Variants in GON4L observed in about 807,000 individuals in gnomAD.
GON4L encodes the protein GON-4-like protein.
GON4L carries 87 observed loss-of-function variants against 211.8 expected under a neutral mutation model. That is an observed-to-expected ratio of 0.41 (90% confidence interval 0.35 to 0.49). The LOEUF is 0.49. Among genes scored for constraint, GON4L ranks in the 20% least tolerant of loss-of-function variants. GON4L has a pLI of 0.15. For missense variants in GON4L, 2,155 were observed against 2,659.5 expected, an observed-to-expected ratio of 0.81 and a Z score of 4.17; for synonymous variants, 875 against 962.6, an observed-to-expected ratio of 0.91 and a Z score of 1.68.
At chr1:155,754,903 C>CTTTT (rs112004109) in intron 27 of GON4L, among the ~76,000 whole-genome samples, 7 of 104,556 alleles carry the variant, frequency 6.7e-5, no homozygotes, top group Non-Finnish European at 1.2e-4. Context: ...TCTCCCCATG[C>CTTTT]TTTTTTTTTT....
intron 2 of GON4L, chr1:155,831,454 A>AAAATAAATAAATAAAT (rs143578512): frequency 7.1e-6 from 1 of 141,032 alleles, no homozygotes; most frequent in African/African-American, 2.6e-5. Context: ...TGTCTCGTTA[A>AAAATAAATAAATAAAT]AAATAAATAA....
intron 21 of GON4L, among the ~76,000 whole-genome samples, 176 bp from the exon 22 acceptor site, chr1:155,763,740 C>T (rs556780953): frequency 1.4e-4 from 22 of 152,278 alleles, no homozygotes; most frequent in Non-Finnish European, 2.5e-4. Flanking sequence ...CAGTGGCTCA[C>T]GCCTGTAATC....
chr1:155,832,226 G>A (rs1669846653), intron 2 of GON4L, among the ~76,000 whole-genome samples: 1 of 21,210 alleles, frequency 4.7e-5, no homozygotes, highest in Non-Finnish European at 1.7e-4. Context: ...AGTGAGCTAA[G>A]ATCACGCCAC....
intron 2 of GON4L, among the ~76,000 whole-genome samples, chr1:155,831,776 A>G (rs557813149): frequency 2.0e-5 from 3 of 152,030 alleles, no homozygotes; most frequent in Admixed American, 2.0e-4. Flanking sequence ...TCCTGCCTAT[A>G]GTGCCAGTTA....
rs145394534 is a variant in GON4L at position 155,825,033 on chromosome 1, G to A, written c.697+1804C>T. Among the ~76,000 whole-genome samples, 19 of 151,820 alleles carry A rather than the reference G, an allele frequency of 1.3e-4. No individual in the cohort carries two copies. The East Asian group carries it at 2.5e-3, about 20-fold the overall frequency. On this transcript the variant is annotated intron_variant, in intron 3 of 31. Coordinates refer to ENST00000368331, the MANE Select transcript of GON4L (RefSeq NM_001282860.2). ...ATGAAAATTAGCCAGGCATTGTGGC[G>A]TGCACCTAGAGTCCGAGTTGCTGGG...
intron 10 of GON4L, among the ~76,000 whole-genome samples, chr1:155,809,968 A>C (rs1156970111): frequency 7.9e-6 from 1 of 126,894 alleles, no homozygotes; most frequent in African/African-American, 3.0e-5. Flanking sequence ...TACATATATA[A>C]TTATAAATTA....
intron 2 of GON4L, 74 bp downstream of exon 2, chr1:155,853,202 G>A: frequency 1.6e-6 from 2 of 1,221,656 alleles, no homozygotes; most frequent in Admixed American, 3.4e-5. Flanking sequence ...ATACTACTCT[G>A]TAAAGGTATC....
chr1:155,824,120 A>G lies in GON4L; in HGVS notation c.698-1644T>C, dbSNP rs1019538824. ...TAGCCCACAACTGAAAAGTATCCAA[A>G]TGCTCATCAAGAATTGAATGGGGCC... On this transcript the variant is annotated intron_variant, in intron 3 of 31. Transcript: ENST00000368331. Among the ~76,000 whole-genome samples, 3 of 152,026 alleles carry G rather than the reference A, an allele frequency of 2.0e-5. No homozygotes were observed. The East Asian group carries it at 5.8e-4, about 29-fold the overall frequency.
At chr1:155,764,874 A>T in intron 21 of GON4L, 126 bp downstream of exon 21, 1 of 1,574,944 alleles carries the variant, frequency 6.3e-7, no homozygotes, top group South Asian at 1.1e-5. Flanking sequence ...CCCATAATGC[A>T]TTCACAAATC....
At chr1:155,799,205 C>G (rs563032353) in intron 11 of GON4L, among the ~76,000 whole-genome samples, 2 of 152,258 alleles carry the variant, frequency 1.3e-5, no homozygotes, top group African/African-American at 4.8e-5. Flanking sequence ...GAGGCCAAGG[C>G]GGGCGGATCA....
At position 155,784,358 on chromosome 1, in the gene GON4L, CTTTTTTTTTTTTTTTTTTTTTT is replaced by C. The variant is rs869034483; in HGVS notation, c.1789-291_1789-270del. 809 of 104,106 alleles carry C rather than the reference CTTTTTTTTTTTTTTTTTTTTTT, an allele frequency of 7.8e-3. 5 individuals carry two copies. Among genetic ancestry groups the C allele is most frequent in the Admixed American group, 0.012 (64 of 5,244 alleles). The allele number at this position is 104,106 out of a possible 1,614,324, so 6.4% of individuals were successfully genotyped here. On this transcript the variant is annotated intron_variant, in intron 13 of 31. Transcript: ENST00000368331. ...ACTCAAAATTATCAATCTCTCTCTCCTTTTTTTTTTTTTTTTTTTTTTTTTTTTTTTTTTTTTGAGACAGAGT... is the reference window on the plus strand; with the variant it reads ...ACTCAAAATTATCAATCTCTCTCTCCTTTTTTTTTTTTTTTGAGACAGAGT...
At chr1:155,759,910 T>C (rs2101678825) in intron 24 of GON4L, among the ~76,000 whole-genome samples, 1 of 149,054 alleles carries the variant, frequency 6.7e-6, no homozygotes, top group Non-Finnish European at 1.5e-5. Context: ...TATAAAACAT[T>C]GTATACTATA....
chr1:155,832,680 T>C (rs1036133215), intron 2 of GON4L, among the ~76,000 whole-genome samples: 1 of 152,080 alleles, frequency 6.6e-6, no homozygotes, highest in African/African-American at 2.4e-5. Flanking sequence ...AACAAAAAGG[T>C]ATCAATTGTA....
In GON4L at chr1:155,777,731, G is replaced by A. The variant is rs758033431; in HGVS notation, c.1982C>T (p.Ala661Val). 6.2e-7 allele frequency: 1 copy of A among 1,611,854 alleles called. No homozygotes were observed. Among genetic ancestry groups the A allele is most frequent in the Non-Finnish European group, 8.5e-7 (1 of 1,177,976 alleles). Residue 661 changes from alanine to valine, a missense_variant, in exon 15 of 32, where the codon GCC (alanine) becomes GTC (valine). Physicochemically the swap from Ala to Val is moderately conservative, Grantham distance 64 (BLOSUM62 0). Around this residue, in one of 6 missense-constraint regions of GON4L, gnomAD observed 551 missense variants for 854.0 expected, o/e 0.65. Coordinates refer to ENST00000368331, the MANE Select transcript of GON4L (RefSeq NM_001282860.2). ...FEQLKMKKSS[A>V]KQLQEVEKVK... ...CTTCTCTACTTCCTGCAGCTGTTTG[G>A]CTGAAGATTTCTTCATCTTCAGCTG...
Position 155,813,680 on chromosome 1 carries a change from A to T in GON4L, c.1406T>A (p.Val469Glu). 1 of 1,613,596 alleles carries T rather than the reference A, an allele frequency of 6.2e-7. No individual in the cohort carries two copies. The change falls in exon 10 of 32, where the codon GTA becomes GAA. Residue 469 changes from valine to glutamate, a missense_variant. Physicochemically the swap from Val to Glu is moderately radical, Grantham distance 121. This residue lies in a region of GON4L where 551 missense variants were observed against 854.0 expected (regional missense o/e 0.65). Coordinates refer to ENST00000368331, the MANE Select transcript of GON4L (RefSeq NM_001282860.2). The stretch of plus-strand genomic sequence containing the variant: ...TGGACTGGAAGCCAGCTCCTCATCT[A>T]CCGCATGTAACTTCTCCATGAAAGT... ...DSTFMEKLHA[V>E]DEELASSPVC...
intron 20 of GON4L, 57 bp from the exon 21 acceptor site, chr1:155,766,766 C>A: frequency 6.2e-7 from 1 of 1,608,770 alleles, no homozygotes. Flanking sequence ...GAAAAAGAGG[C>A]TTGGCACAGT....
intron 2 of GON4L, among the ~76,000 whole-genome samples, chr1:155,850,555 T>C (rs1671677898): frequency 6.6e-6 from 1 of 152,188 alleles, no homozygotes; most frequent in Admixed American, 6.5e-5. Flanking sequence ...CAACACAGTA[T>C]ACCATCAAGA....
intron 20 of GON4L, 85 bp from the exon 21 acceptor site, chr1:155,766,794 C>T (rs769808166): frequency 1.9e-6 from 3 of 1,597,938 alleles, no homozygotes; most frequent in Non-Finnish European, 2.5e-6. Flanking sequence ...GCCTGTAATC[C>T]CAGCACTTTG....
At chr1:155,751,616 C>T (rs1660595458) in intron 31 of GON4L, 151 bp downstream of exon 31, 1 of 626,984 alleles carries the variant, frequency 1.6e-6, no homozygotes, top group Non-Finnish European at 2.9e-6. Context: ...AGAACCACTA[C>T]CACCCTGATG....
Sources: allele counts gnomAD v4.1 joint callset (sites outside exome capture counted in the v4.1 genomes callset), GRCh38; gene constraint gnomAD v4.1.1; regional missense constraint gnomAD v4.1.1; transcripts MANE v1.5; gene names NCBI Gene and HGNC (gene_info 2026-07-23, HGNC 2026-07-21).